The following TAFA2 variants were observed in gnomAD, a reference collection of about 807,000 sequenced individuals.
The protein encoded by TAFA2 is chemokine-like protein TAFA-2.
Under a neutral mutation model 18.8 loss-of-function variants are expected in TAFA2, and 7 were observed. The observed-to-expected ratio is 0.37, with a 90% CI of 0.21 to 0.70. The LOEUF (loss-of-function observed/expected upper bound fraction) is 0.70, where lower values mean the gene tolerates loss of function less well. Among genes scored for constraint, TAFA2 ranks in the 30% least tolerant of loss-of-function variants. The pLI is 0.53. For synonymous variants in TAFA2, 60 were observed against 54.2 expected (o/e 1.11, Z -0.47); for missense variants, 122 against 158.1 (o/e 0.77, Z 1.23).
At chr12:61,968,405 A>G (rs1879138521) in intron 1 of TAFA2, among the ~76,000 whole-genome samples, 1 of 151,762 alleles carries the variant, frequency 6.6e-6, no homozygotes, top group African/African-American at 2.4e-5. Flanking sequence ...CCCAGGCTTC[A>G]GGTCCCTACA....
intron 1 of TAFA2, among the ~76,000 whole-genome samples, chr12:61,906,961 G>T (rs1876383444): frequency 6.6e-6 from 1 of 152,206 alleles, no homozygotes; most frequent in Admixed American, 6.5e-5. Context: ...TTCAAGAGCT[G>T]ACTTGAGTGC....
chr12:62,023,689 G>A (rs1881220951), intron 1 of TAFA2: 1 of 151,818 alleles, frequency 6.6e-6, no homozygotes, highest in South Asian at 2.1e-4. Flanking sequence ...GAGAGGGAAT[G>A]ATGGCATTTT....
chr12:61,716,070 G>T (rs559566128), intron 4 of TAFA2, among the ~76,000 whole-genome samples: 1 of 152,308 alleles, frequency 6.6e-6, no homozygotes, highest in Non-Finnish European at 1.5e-5. Context: ...GATTGTCTGA[G>T]CTGAGAAGTA....
At chr12:62,206,931 A>C (rs1019109483) in intron 1 of TAFA2, 1 of 152,204 alleles carries the variant, frequency 6.6e-6, no homozygotes, top group Non-Finnish European at 1.5e-5. Context: ...ATATGTTATA[A>C]ATGGCTCCTC....
chr12:61,716,343 C>T (rs1869658270), intron 4 of TAFA2, among the ~76,000 whole-genome samples: 1 of 152,110 alleles, frequency 6.6e-6, no homozygotes, highest in African/African-American at 2.4e-5. Flanking sequence ...GAAGTTGGCA[C>T]TTCAGTTTAT....
chr12:62,244,237 C>CTTTT (rs35569192), intron 1 of TAFA2, among the ~76,000 whole-genome samples: 2,718 of 134,194 alleles, frequency 0.02, 105 homozygotes, highest in African/African-American at 0.065. Context: ...TTTCTTTTGT[C>CTTTT]TTTTTTTTTT....
In TAFA2 at chr12:61,803,015, T is replaced by A. The variant is rs188952798; in HGVS notation, c.107-47991A>T. 4.5e-4 allele frequency among the ~76,000 whole-genome samples: 69 copies of A among 152,088 alleles called. 1 individual carries two copies. Among genetic ancestry groups the A allele is most frequent in the Non-Finnish European group, 7.4e-4 (50 of 67,880 alleles). Reference sequence around the variant, plus strand: ...CAATATAATTTAAAACTCCTAGCTGTCTCTTAATAACAGTTTCTAGACAAT... The same window carrying A: ...CAATATAATTTAAAACTCCTAGCTGACTCTTAATAACAGTTTCTAGACAAT... On this transcript the variant is annotated intron_variant, in intron 2 of 4. Coordinates refer to ENST00000416284, the MANE Select transcript of TAFA2 (RefSeq NM_178539.5).
chr12:61,984,634 GT>G (rs1879754533), intron 1 of TAFA2, among the ~76,000 whole-genome samples: 2 of 152,080 alleles, frequency 1.3e-5, no homozygotes, highest in South Asian at 4.1e-4. Flanking sequence ...TTTCCATTAT[GT>G]TTTTTGTACA....
intron 1 of TAFA2, among the ~76,000 whole-genome samples, chr12:62,226,755 A>G (rs2062788756): frequency 2.0e-5 from 3 of 152,190 alleles, no homozygotes. Flanking sequence ...AAAATATGGA[A>G]GTCATCTTTA....
intron 1 of TAFA2, among the ~76,000 whole-genome samples, chr12:62,100,165 AC>A (rs1869130541): frequency 6.6e-6 from 1 of 151,640 alleles, no homozygotes; most frequent in Non-Finnish European, 1.5e-5. Context: ...ACACACACAC[AC>A]ACACAGCCCT....
intron 1 of TAFA2, among the ~76,000 whole-genome samples, chr12:61,978,990 A>C (rs10877774): frequency 0.17 from 25,516 of 152,050 alleles, 2,380 homozygotes; most frequent in African/African-American, 0.25. Context: ...TTCTCCAGTA[A>C]CCAGGAAACT....
upstream of TAFA2, chr12:62,259,059 T>C (rs2062963350): frequency 6.5e-6 from 1 of 154,148 alleles, no homozygotes; most frequent in African/African-American, 2.4e-5. Context: ...ATAATGCCAA[T>C]ATACACTACT....
intron 1 of TAFA2, among the ~76,000 whole-genome samples, chr12:61,980,628 T>C (rs1261764740): frequency 6.6e-6 from 1 of 152,188 alleles, no homozygotes; most frequent in Non-Finnish European, 1.5e-5. Flanking sequence ...ACAAAATCAA[T>C]GTGCAAAAAT....
At position 62,068,312 on chromosome 12, in the gene TAFA2, C is replaced by T. The variant is rs139561617; in HGVS notation, c.-2+122947G>A. On this transcript the variant is annotated intron_variant, in intron 1 of 4. Transcript: ENST00000416284. ...AAATACCTCCACATAAGGTGACTTT[C>T]GCTCTCTGTGAACCTCTGTTCAGTT... 2.0e-3 allele frequency among the ~76,000 whole-genome samples: 298 copies of T among 152,200 alleles called. 1 individual carries two copies. The highest frequency in any genetic ancestry group is 4.8e-3 in the Admixed American group (74 of 15,268).
intron 2 of TAFA2, among the ~76,000 whole-genome samples, chr12:61,849,001 C>T (rs1223854492): frequency 6.6e-6 from 1 of 152,012 alleles, no homozygotes; most frequent in Non-Finnish European, 1.5e-5. Flanking sequence ...GCCACAACGG[C>T]TGGCTAATTT....
intron 1 of TAFA2, among the ~76,000 whole-genome samples, chr12:62,016,395 A>G (rs1485318694): frequency 6.6e-6 from 1 of 152,192 alleles, no homozygotes; most frequent in East Asian, 1.9e-4. Flanking sequence ...TCCAAAACAC[A>G]AAGAAATTTT....
At chr12:61,787,947 T>C (rs1455275297) in intron 2 of TAFA2, among the ~76,000 whole-genome samples, 1 of 151,570 alleles carries the variant, frequency 6.6e-6, no homozygotes, top group African/African-American at 2.4e-5. Context: ...TGTGTGCTGC[T>C]TATAAAAGAC....
chr12:62,117,750 A>G (rs937933179), intron 1 of TAFA2, among the ~76,000 whole-genome samples: 3 of 152,182 alleles, frequency 2.0e-5, no homozygotes, highest in Non-Finnish European at 4.4e-5. Context: ...TATAACATAC[A>G]ATCTAAACAT....
chr12:62,142,163 G>A (rs1282586129), intron 1 of TAFA2, among the ~76,000 whole-genome samples: 1 of 152,118 alleles, frequency 6.6e-6, no homozygotes, highest in East Asian at 1.9e-4. Flanking sequence ...GTGATCTTAA[G>A]GAAGCTATTT....
Sources: gnomAD v4.1 joint callset for allele counts (sites outside exome capture counted in the v4.1 genomes callset) on GRCh38, gnomAD v4.1.1 for gene constraint, MANE v1.5 for transcripts, NCBI Gene and HGNC (gene_info 2026-07-23, HGNC 2026-07-21) for gene names.